Variants in VWA3A observed in about 807,000 individuals in gnomAD.
VWA3A encodes the protein von Willebrand factor A domain containing 3A, also known as von Willebrand factor A domain-containing protein 3A.
A neutral mutation model predicts 160.4 loss-of-function variants in VWA3A; 134 were observed. The ratio of observed to expected loss-of-function variants is 0.84; its 90% CI spans 0.73 to 0.96. The LOEUF (loss-of-function observed/expected upper bound fraction) is 0.96. Among genes scored for constraint, VWA3A ranks in the 40% least tolerant of loss-of-function variants. The pLI is 0.00. For missense variants in VWA3A, 1,310 were observed against 1,447.9 expected (o/e 0.90, Z 1.55); for synonymous variants, 476 against 543.4 (o/e 0.88, Z 1.72).
intron 27 of VWA3A, among the ~76,000 whole-genome samples, chr16:22,147,107 C>G (rs1469589029): frequency 2.0e-5 from 3 of 152,140 alleles, no homozygotes; most frequent in Non-Finnish European, 4.4e-5. Flanking sequence ...CTTACTGCAG[C>G]CTTGAACTGG....
rs370051420 is a variant in VWA3A, at chr16:22,133,037, C to T, written c.2010C>T (p.Ala670=). 1.7e-5 allele frequency: 27 copies of T among 1,613,770 alleles called. No individual in the cohort carries two copies. Among genetic ancestry groups the T allele is most frequent in the Middle Eastern group, 1.6e-4 (1 of 6,084 alleles). ...ATGCCAGTCACACTGACACAGCCGC[C>T]GCCTACAAGGAGGTCACCCGGGCTG... ...ARYASHTDTA[A]AYKEVTRAAG... The change falls in exon 20 of 34, where the codon GCC becomes GCT. Residue 670 remains alanine, a synonymous_variant. Transcript: ENST00000389398.
rs1428868193 is a variant in VWA3A, at chr16:22,144,365, T to G, written c.2711T>G (p.Phe904Cys). 3.1e-6 allele frequency: 5 copies of G among 1,613,528 alleles called. No individual in the cohort carries two copies. Among genetic ancestry groups the G allele is most frequent in the Non-Finnish European group, 4.2e-6 (5 of 1,179,836 alleles). ...GCATCCGCCAAACACTGCAGCATCTTCCCCAGCGTTGAGATCCATGTAAGT... is the reference window on the plus strand; with the variant it reads ...GCATCCGCCAAACACTGCAGCATCTGCCCCAGCGTTGAGATCCATGTAAGT... ...RSASAKHCSIFPSVEIHGVVR... is the reference protein window; with the variant it reads ...RSASAKHCSICPSVEIHGVVR... The change falls in exon 26 of 34, where the codon TTC (phenylalanine) becomes TGC (cysteine). Residue 904 changes from phenylalanine to cysteine, a missense_variant. By Grantham distance (205) the Phe-to-Cys change is radical (BLOSUM62 -2). Coordinates refer to ENST00000389398, the MANE Select transcript of VWA3A (RefSeq NM_173615.5).
intron 16 of VWA3A, 84 bp from the exon 17 acceptor site, chr16:22,126,094 A>C (rs572807414): frequency 3.2e-6 from 5 of 1,578,516 alleles, no homozygotes; most frequent in Non-Finnish European, 4.3e-6. Flanking sequence ...TCCCCTGGAA[A>C]AAAACTTTAA....
chr16:22,156,324 C>T lies in VWA3A; in HGVS notation c.*307C>T, dbSNP rs146721584. On this transcript the variant is annotated 3_prime_UTR_variant, in exon 34 of 34. Transcript: ENST00000389398. ...GTGCTTCTTGCAAACCAACCCCCTG[C>T]CTGAACGGTGCTTCTTGCCCCCTCT... 1.6e-4 allele frequency: 31 copies of T among 193,984 alleles called. No individual in the cohort carries two copies. In the East Asian group the frequency reaches 4.4e-3, roughly 27 times the overall value. 12.0% of individuals were successfully genotyped at this position (193,984 alleles called of 1,614,324 possible). A position where few individuals can be genotyped will look rare whatever the true frequency, so the allele number is the denominator to read the frequency against.
rs1229978993 is a variant in VWA3A, at chr16:22,156,719, G to A, written c.*702G>A. On this transcript the variant is annotated 3_prime_UTR_variant, in exon 34 of 34. Coordinates refer to ENST00000389398, the MANE Select transcript of VWA3A (RefSeq NM_173615.5). The stretch of plus-strand genomic sequence containing the variant: ...GCAGAGTCACAGTCAGCCCATCCTG[G>A]GGGAAGAAGAAACAAGTGAGCCTCA... The A allele has an allele frequency of 6.6e-6, 1 of 152,122 alleles. No individual in the cohort carries two copies. The highest frequency in any genetic ancestry group is 6.6e-5 in the Admixed American group (1 of 15,266). The allele number at this position is 152,122 out of a possible 1,614,324, so 9.4% of individuals were successfully genotyped here.
chr16:22,137,821 GA>G (rs763187312), intron 21 of VWA3A, among the ~76,000 whole-genome samples: 6 of 152,148 alleles, frequency 3.9e-5, no homozygotes, highest in Non-Finnish European at 7.4e-5. Context: ...ATTCGGGTCT[GA>G]AAAACATCTT....
At chr16:22,110,263 C>T (rs1011098798) in intron 7 of VWA3A, among the ~76,000 whole-genome samples, 1 of 152,206 alleles carries the variant, frequency 6.6e-6, no homozygotes, top group Non-Finnish European at 1.5e-5. Context: ...AAAGCCTCTG[C>T]AGCGTGATGT....
At position 22,115,366 on chromosome 16, in the gene VWA3A, T is replaced by A. The variant is rs1277617803; in HGVS notation, c.709T>A (p.Trp237Arg). ...TCCCAGCCTCCAGGAACTTAAGCTC[T>A]GGGTAAAGACGCTGCAGCCTGATGG... The part of the protein sequence containing the change: ...SASTLQELKL[W>R]VKTLQPDGGS... Residue 237 changes from tryptophan to arginine, a missense_variant, in exon 9 of 34, where the codon TGG becomes AGG. Trp to Arg is a moderately radical substitution (Grantham distance 101, BLOSUM62 -3). Transcript: ENST00000389398. 1.9e-6 allele frequency: 3 copies of A among 1,599,438 alleles called. No homozygotes were observed. The highest frequency in any genetic ancestry group is 2.6e-6 in the Non-Finnish European group (3 of 1,172,846).
chr16:22,152,231 G>A (rs1360293057), intron 30 of VWA3A, among the ~76,000 whole-genome samples: 1 of 152,056 alleles, frequency 6.6e-6, no homozygotes, highest in Admixed American at 6.6e-5. Flanking sequence ...AGAAATGGGG[G>A]CTGGAGTGTG....
At position 22,144,244 on chromosome 16, in the gene VWA3A, AAG is replaced by A; in HGVS notation, c.2593-2_2593-1del. 1 of 1,610,428 alleles carries A rather than the reference AAG, an allele frequency of 6.2e-7. No individual in the cohort carries two copies. Among genetic ancestry groups the A allele is most frequent in the Non-Finnish European group, 8.5e-7 (1 of 1,178,548 alleles). ...GATAATAGTTCTTTCCTTTATTCTA[AAG>A]TGGGTGGCAAAATATGGGCTCAAAA... On this transcript the variant is annotated splice_acceptor_variant, in intron 25 of 33. Coordinates refer to ENST00000389398, the MANE Select transcript of VWA3A (RefSeq NM_173615.5). LOFTEE classifies it high-confidence loss of function.
chr16:22,106,689 A>C (rs1332487183), intron 6 of VWA3A, among the ~76,000 whole-genome samples: 1 of 152,194 alleles, frequency 6.6e-6, no homozygotes, highest in African/African-American at 2.4e-5. Flanking sequence ...GGCTTTAATA[A>C]AGCAGGGGAG....
chr16:22,121,732 C>G, intron 14 of VWA3A, 115 bp downstream of exon 14: 1 of 807,362 alleles, frequency 1.2e-6, no homozygotes, highest in Non-Finnish European at 2.0e-6. Flanking sequence ...GCTTCCCACC[C>G]AGGACCCTAG....
chr16:22,137,246 C>T (rs1686926455), intron 21 of VWA3A, among the ~76,000 whole-genome samples: 1 of 152,082 alleles, frequency 6.6e-6, no homozygotes, highest in East Asian at 1.9e-4. Context: ...TGAATGGTGT[C>T]TTCTGGAGCT....
chr16:22,121,408 C>T, intron 13 of VWA3A, 106 bp from the exon 14 acceptor site: 1 of 931,876 alleles, frequency 1.1e-6, no homozygotes, highest in South Asian at 1.4e-5. Flanking sequence ...TGTGCCACTG[C>T]ACTCTAGCCT....
intron 33 of VWA3A, 45 bp from the exon 34 acceptor site, chr16:22,155,987 G>A: frequency 6.6e-7 from 1 of 1,507,020 alleles, no homozygotes; most frequent in African/African-American, 1.4e-5. Flanking sequence ...TCTATTTTGT[G>A]GTCAATAATA....
chr16:22,143,909 T>C (rs2142003019), intron 25 of VWA3A, among the ~76,000 whole-genome samples: 1 of 151,922 alleles, frequency 6.6e-6, no homozygotes, highest in Non-Finnish European at 1.5e-5. Context: ...CCTGGCTAAT[T>C]TTTTGTATTT....
chr16:22,123,979 A>G (rs888298074), intron 16 of VWA3A, among the ~76,000 whole-genome samples: 5 of 152,088 alleles, frequency 3.3e-5, no homozygotes, highest in African/African-American at 1.2e-4. Flanking sequence ...GTTTGAGACC[A>G]GACTGGGCAA....
At chr16:22,137,370 G>A (rs1216375065) in intron 21 of VWA3A, among the ~76,000 whole-genome samples, 1 of 152,180 alleles carries the variant, frequency 6.6e-6, no homozygotes, top group African/African-American at 2.4e-5. Context: ...CCTGGCATGC[G>A]GCAAGCTGAC....
At chr16:22,130,385 G>C (rs929816591) in intron 17 of VWA3A, among the ~76,000 whole-genome samples, 1 of 152,114 alleles carries the variant, frequency 6.6e-6, no homozygotes, top group East Asian at 1.9e-4. Context: ...GCGGGGCAGA[G>C]GGAAGTGGAG....
Sources: allele counts gnomAD v4.1 joint callset (sites outside exome capture counted in the v4.1 genomes callset), GRCh38; gene constraint gnomAD v4.1.1; transcripts MANE v1.5; gene names NCBI Gene and HGNC (gene_info 2026-07-23, HGNC 2026-07-21).